The following CCNB3 variants were observed in gnomAD, a reference collection of about 807,000 sequenced individuals.
The protein encoded by CCNB3 is cyclin B3, also known as G2/mitotic-specific cyclin-B3.
CCNB3 carries 12 observed loss-of-function variants against 68.0 expected under a neutral mutation model. That is an observed-to-expected ratio of 0.18 (90% confidence interval 0.11 to 0.29). The LOEUF is 0.29. CCNB3 is among the 10% of genes least tolerant of loss of function. CCNB3 has a pLI of 1.00. For synonymous variants in CCNB3, 354 were observed against 388.9 expected (o/e 0.91, Z 1.06); for missense variants, 904 against 993.1 (o/e 0.91, Z 1.21).
intron 8 of CCNB3, among the ~76,000 whole-genome samples, chrX:50,317,293 A>G (rs1257639179): frequency 9.0e-6 from 1 of 111,572 alleles, no homozygotes; most frequent in African/African-American, 3.3e-5. Context: ...AAGTTACGAG[A>G]GTTCTTTATG....
chrX:50,228,087 G>C (rs1366319478), intron 1 of CCNB3, among the ~76,000 whole-genome samples: 2 of 86,154 alleles, frequency 2.3e-5, no homozygotes, highest in Non-Finnish European at 4.3e-5. Context: ...AATATTTAGA[G>C]AATATATATA....
At position 50,212,471 on chromosome X, in the gene CCNB3, T is replaced by C. The variant is rs1438172050; in HGVS notation, c.-113+7521T>C. Among the ~76,000 whole-genome samples the C allele has an allele frequency of 2.0e-4, 22 of 112,074 alleles. No homozygotes were observed. The South Asian group carries it at 2.2e-3, about 11-fold the overall frequency. On this transcript the variant is annotated intron_variant, in intron 1 of 12. Transcript: ENST00000376042. Reference sequence around the variant, plus strand: ...ACAGTTTTTAGGAATTGATATACTTTATTAGCTACTATGTTATTTTTTATA... The same window carrying C: ...ACAGTTTTTAGGAATTGATATACTTCATTAGCTACTATGTTATTTTTTATA...
At chrX:50,305,665 G>T (rs1348737250) in intron 5 of CCNB3, among the ~76,000 whole-genome samples, 6 of 109,311 alleles carry the variant, frequency 5.5e-5, no homozygotes, top group Admixed American at 4.9e-4. Flanking sequence ...TAAAAAAAAA[G>T]AATCAGCTTG....
chrX:50,227,092 A>G (rs1227593883), intron 1 of CCNB3, among the ~76,000 whole-genome samples: 3 of 82,311 alleles, frequency 3.6e-5, no homozygotes, highest in African/African-American at 1.5e-4. Context: ...ATATATAAAT[A>G]TATAGAATAT....
chrX:50,326,939 A>C (rs1014616766), intron 8 of CCNB3, among the ~76,000 whole-genome samples: 3 of 112,232 alleles, frequency 2.7e-5, no homozygotes, highest in Non-Finnish European at 5.6e-5. Flanking sequence ...CTAGTTCAAG[A>C]CTACGAGTAC....
At chrX:50,312,731 A>G in intron 7 of CCNB3, 99 bp downstream of exon 7, 1 of 520,665 alleles carries the variant, frequency 1.9e-6, no homozygotes, top group East Asian at 3.5e-5. Flanking sequence ...AATAATGATG[A>G]TAAAAATAAT....
At chrX:50,342,125 C>T in intron 8 of CCNB3, 77 bp from the exon 9 acceptor site, 1 of 1,120,686 alleles carries the variant, frequency 8.9e-7, no homozygotes. Context: ...GCAGATACTC[C>T]AGGTAGCTAG....
At chrX:50,315,306 T>C (rs1306742894) in intron 8 of CCNB3, among the ~76,000 whole-genome samples, 1 of 112,084 alleles carries the variant, frequency 8.9e-6, no homozygotes, top group Non-Finnish European at 1.9e-5. Context: ...GAAAATACCA[T>C]ATTGTTTTTA....
At chrX:50,300,290 T>C (rs1936597285) in intron 5 of CCNB3, among the ~76,000 whole-genome samples, 1 of 111,714 alleles carries the variant, frequency 9.0e-6, no homozygotes, top group South Asian at 3.8e-4. Flanking sequence ...CCTTTCCATG[T>C]TTAGTGCTTC....
intron 1 of CCNB3, among the ~76,000 whole-genome samples, chrX:50,206,703 G>A (rs1327757760): frequency 3.6e-5 from 4 of 110,670 alleles, no homozygotes; most frequent in Non-Finnish European, 7.6e-5. Context: ...GAAGGCAAGA[G>A]TCTGAGTTTG....
intron 5 of CCNB3, among the ~76,000 whole-genome samples, chrX:50,298,814 GTTAT>G (rs1936547868): frequency 9.0e-6 from 1 of 111,683 alleles, no homozygotes; most frequent in African/African-American, 3.3e-5. Context: ...TTCAGAGTCT[GTTAT>G]TTGTCTATTC....
In CCNB3 at chrX:50,280,963, G is replaced by A. The variant is rs1221093612; in HGVS notation, c.-112-3579G>A. ...TTTTGTAGAGATGGGGTTTTTCCAT[G>A]TTGCCCAGGCTCATCTCCAACTCCT... is the stretch of plus-strand genomic sequence containing the variant. On this transcript the variant is annotated intron_variant, in intron 1 of 12. Coordinates refer to ENST00000376042, the MANE Select transcript of CCNB3 (RefSeq NM_033031.3). Among the ~76,000 whole-genome samples the A allele has an allele frequency of 6.4e-5, 7 of 109,580 alleles. No individual in the cohort carries two copies. The South Asian group carries it at 2.4e-3, about 38-fold the overall frequency.
Position 50,310,390 on chromosome X carries a change from A to G in CCNB3, c.2221A>G (p.Thr741Ala). 8.3e-6 allele frequency: 10 copies of G among 1,211,606 alleles called. No homozygotes were observed. Among genetic ancestry groups the G allele is most frequent in the Non-Finnish European group, 1.1e-5 (10 of 895,214 alleles). Reference sequence around the variant, plus strand: ...GGAGGAGCTTTCTGCTGAGGCAGCCACAAACATACAGACACAATTATCTTT... The same window carrying G: ...GGAGGAGCTTTCTGCTGAGGCAGCCGCAAACATACAGACACAATTATCTTT... ...LKEELSAEAA[T>A]NIQTQLSLKK... The change falls in exon 6 of 13, where the codon ACA becomes GCA. Residue 741 changes from threonine to alanine, a missense_variant. Physicochemically the swap from Thr to Ala is moderately conservative, Grantham distance 58. Transcript: ENST00000376042.
rs1557214184 is a variant in CCNB3 at position 50,309,413 on chromosome X, T to C, written c.1244T>C (p.Met415Thr). Residue 415 changes from methionine (M) to threonine (T), a missense_variant, in exon 6 of 13, where the codon ATG (methionine) becomes ACG (threonine). Coordinates refer to ENST00000376042, the MANE Select transcript of CCNB3 (RefSeq NM_033031.3). ...ACCTCTGGAGAGAAGTCGCTCATTA[T>C]GAAGCCATTGTCCATTAAAGAAAAG... Reference protein sequence around the residue: ...EITSGEKSLIMKPLSIKEKPS... With the variant: ...EITSGEKSLITKPLSIKEKPS... The C allele has an allele frequency of 1.3e-5, 16 of 1,211,313 alleles. No individual in the cohort carries two copies. Among genetic ancestry groups the C allele is most frequent in the Non-Finnish European group, 1.6e-5 (14 of 895,304 alleles).
In CCNB3 at chrX:50,309,646, A is replaced by G. The variant is rs782301242; in HGVS notation, c.1477A>G (p.Arg493Gly). ...CACCAAGAAGCCTTTAATTTTAAAG[A>G]GGAAGCATGCCACTCAGGGGACAAT... The part of the protein sequence containing the change: ...PPTKKPLILK[R>G]KHATQGTMSH... Residue 493 changes from arginine to glycine, a missense_variant, in exon 6 of 13, where the codon AGG becomes GGG. By Grantham distance (125) the Arg-to-Gly change is moderately radical. Around this residue, in one of 2 missense-constraint regions of CCNB3, gnomAD observed 619 missense variants for 609.8 expected, o/e 1.02. Coordinates refer to ENST00000376042, the MANE Select transcript of CCNB3 (RefSeq NM_033031.3). The G allele has an allele frequency of 8.3e-7, 1 of 1,209,375 alleles. No individual in the cohort carries two copies. The highest frequency in any genetic ancestry group is 2.2e-5 in the Admixed American group (1 of 45,636).
intron 1 of CCNB3, among the ~76,000 whole-genome samples, chrX:50,219,597 T>C (rs910529500): frequency 2.7e-5 from 3 of 111,064 alleles, no homozygotes; most frequent in Non-Finnish European, 5.7e-5. Context: ...GTGGCATTAT[T>C]TCTGAGGCCT....
In CCNB3 at chrX:50,327,691, G is replaced by T. The variant is rs139650410; in HGVS notation, c.3516+13743G>T. On this transcript the variant is annotated intron_variant, in intron 8 of 12. Coordinates refer to ENST00000376042, the MANE Select transcript of CCNB3 (RefSeq NM_033031.3). Reference sequence around the variant, plus strand: ...TTACTGTAATTTCTTGATACTTAACGTGGTAGTCATTACTTTTCACATGCA... The same window carrying T: ...TTACTGTAATTTCTTGATACTTAACTTGGTAGTCATTACTTTTCACATGCA... Among the ~76,000 whole-genome samples the T allele has an allele frequency of 7.0e-4, 78 of 111,644 alleles. No individual in the cohort carries two copies. The East Asian group carries it at 0.014, about 20-fold the overall frequency.
chrX:50,325,865 T>C lies in CCNB3; in HGVS notation c.3516+11917T>C, dbSNP rs185343243. ...CTATAAATTGTTTAGGGTGTATCCT[T>C]ACAGATCCTTTATTATATGTCTCAT... On this transcript the variant is annotated intron_variant, in intron 8 of 12. Transcript: ENST00000376042. Among the ~76,000 whole-genome samples, 522 of 111,881 alleles carry C rather than the reference T, an allele frequency of 4.7e-3. 2 individuals are homozygous for C. The highest frequency in any genetic ancestry group is 5.5e-3 in the Non-Finnish European group (292 of 53,149).
At chrX:50,324,817 T>G (rs1336391856) in intron 8 of CCNB3, among the ~76,000 whole-genome samples, 1 of 112,195 alleles carries the variant, frequency 8.9e-6, no homozygotes, top group Non-Finnish European at 1.9e-5. Flanking sequence ...GTAGCTATCT[T>G]GATTTTTCTC....
Sources: gnomAD v4.1 joint callset for allele counts (sites outside exome capture counted in the v4.1 genomes callset) on GRCh38, gnomAD v4.1.1 for gene constraint, gnomAD v4.1.1 regional missense constraint, MANE v1.5 for transcripts, NCBI Gene and HGNC (gene_info 2026-07-23, HGNC 2026-07-21) for gene names.